NINL: variants seen among roughly 807,000 people sequenced by gnomAD.
The protein encoded by NINL is ninein-like protein.
A neutral mutation model predicts 160.3 loss-of-function variants in NINL; 153 were observed. The ratio of observed to expected loss-of-function variants is 0.95; its 90% CI spans 0.84 to 1.09. NINL has a LOEUF of 1.09. Ranked by LOEUF, NINL falls within the 50% of genes least tolerant of loss-of-function variation. The pLI, the probability that NINL is intolerant of heterozygous loss-of-function variation, is 0.00. For missense variants in NINL, 1,829 were observed against 1,764.0 expected, an observed-to-expected ratio of 1.04 and a Z score of -0.66; for synonymous variants, 800 against 734.8, an observed-to-expected ratio of 1.09 and a Z score of -1.43.
chr20:25,498,595 A>AC (rs1343666973), intron 8 of NINL, among the ~76,000 whole-genome samples: 2 of 152,018 alleles, frequency 1.3e-5, no homozygotes, highest in African/African-American at 4.8e-5. Flanking sequence ...GCTAGACAGA[A>AC]CCCCTCTTCC....
At chr20:25,533,989 T>C (rs768225011) in intron 1 of NINL, among the ~76,000 whole-genome samples, 10 of 152,150 alleles carry the variant, frequency 6.6e-5, no homozygotes, top group Non-Finnish European at 1.3e-4. Flanking sequence ...ACATCAAACT[T>C]GAAAACTTGA....
At chr20:25,498,063 G>A (rs937967498) in intron 9 of NINL, 147 bp downstream of exon 9, 15 of 972,878 alleles carry the variant, frequency 1.5e-5, no homozygotes, top group Non-Finnish European at 2.0e-5. Context: ...CAGAGAGCAC[G>A]GGACAGACAG....
intron 1 of NINL, among the ~76,000 whole-genome samples, chr20:25,532,883 A>G (rs899608622): frequency 2.0e-5 from 3 of 152,214 alleles, no homozygotes; most frequent in Non-Finnish European, 4.4e-5. Context: ...GAAGAGGGGC[A>G]AAGCGTCTTT....
In NINL at chr20:25,489,929, C is replaced by A; in HGVS notation, c.1542G>T (p.Ser514=). ...IVEVVEKLSD[S]ERLALKLQKD... ...TCTGCAGCTTCAGGGCCAGCCTCTC[C>A]GAATCCGAAAGCTTTTCCACCACTT... Residue 514 remains serine, a synonymous_variant, in exon 12 of 24, where the codon TCG becomes TCT. Coordinates refer to ENST00000278886, the MANE Select transcript of NINL (RefSeq NM_025176.6). The A allele has an allele frequency of 6.2e-7, 1 of 1,614,160 alleles. No individual in the cohort carries two copies. Among genetic ancestry groups the A allele is most frequent in the Non-Finnish European group, 8.5e-7 (1 of 1,180,032 alleles).
At chr20:25,504,581 G>A (rs924624669) in intron 6 of NINL, among the ~76,000 whole-genome samples, 1 of 152,184 alleles carries the variant, frequency 6.6e-6, no homozygotes, top group South Asian at 2.1e-4. Flanking sequence ...AGTGGAACCC[G>A]GCCACACAGA....
At chr20:25,461,500 T>TCCAGCCATCGCTCACA (rs1482092186) in intron 21 of NINL, 22 bp downstream of exon 21, 2 of 1,452,234 alleles carry the variant, frequency 1.4e-6, no homozygotes, top group Admixed American at 4.4e-5. Context: ...ACCCAGTGCC[T>TCCAGCCATCGCTCACA]CCAGCCATCG....
chr20:25,527,688 A>G (rs993613296), intron 1 of NINL, among the ~76,000 whole-genome samples: 1 of 152,184 alleles, frequency 6.6e-6, no homozygotes, highest in African/African-American at 2.4e-5. Flanking sequence ...AAACCAAGAT[A>G]TGCTATTTGT....
At position 25,498,221 on chromosome 20, in the gene NINL, C is replaced by T. The variant is rs1231998348; in HGVS notation, c.1158G>A (p.Leu386=). 2 of 1,612,688 alleles carry T rather than the reference C, an allele frequency of 1.2e-6. No homozygotes were observed. The highest frequency in any genetic ancestry group is 2.7e-5 in the African/African-American group (2 of 74,912). The change falls in exon 9 of 24, where the codon CTG becomes CTA. Residue 386 remains leucine (L), a synonymous_variant. Transcript: ENST00000278886. ...QAALACYHQE[L]SYQQGQVEQL... ...CTGTGGCCTCTTACTGCTGGTAGCTCAGCTCCTGGTGGTAGCAGGCCAGGG... is the reference window on the plus strand; with the variant it reads ...CTGTGGCCTCTTACTGCTGGTAGCTTAGCTCCTGGTGGTAGCAGGCCAGGG...
rs187164189 is a variant in NINL at position 25,491,193 on chromosome 20, C to A, written c.1485+158G>T. Among the ~76,000 whole-genome samples, 6 of 152,354 alleles carry A rather than the reference C, an allele frequency of 3.9e-5. No individual in the cohort carries two copies. The East Asian group carries it at 9.7e-4, about 25-fold the overall frequency. ...CTTCTGCTCTGCAGCAAGTGGGACA[C>A]CTCCTCACTGCAGCAGGTGCTCCCT... On this transcript the variant is annotated intron_variant, in intron 11 of 23. Transcript: ENST00000278886.
chr20:25,502,593 C>T lies in NINL; in HGVS notation c.861+1359G>A, dbSNP rs528695073. Among the ~76,000 whole-genome samples, 17 of 152,242 alleles carry T rather than the reference C, an allele frequency of 1.1e-4. No homozygotes were observed. In the South Asian group the frequency reaches 3.3e-3, roughly 30 times the overall value. On this transcript the variant is annotated intron_variant, in intron 7 of 23. Coordinates refer to ENST00000278886, the MANE Select transcript of NINL (RefSeq NM_025176.6). ...AAATCTCATATTAAAATGTAATCCC[C>T]GATGTTGGAGGTGGGGCCTGGTGGG...
At position 25,500,941 on chromosome 20, in the gene NINL, G is replaced by C. The variant is rs1455167955; in HGVS notation, c.931C>G (p.Leu311Val). Reference sequence around the variant, plus strand: ...GAACCATCGTCAATGCTGGAGAAGAGGCGCAGGCTGGAGCACAGGGACACG... The same window carrying C: ...GAACCATCGTCAATGCTGGAGAAGACGCGCAGGCTGGAGCACAGGGACACG... ...SLVSLCSSLR[L>V]FSSIDDGSGF... Residue 311 changes from leucine (L) to valine (V), a missense_variant, in exon 8 of 24, where the codon CTC (leucine) becomes GTC (valine). Leu to Val is a conservative substitution (Grantham distance 32). Coordinates refer to ENST00000278886, the MANE Select transcript of NINL (RefSeq NM_025176.6). 2 of 1,614,238 alleles carry C rather than the reference G, an allele frequency of 1.2e-6. No homozygotes were observed. The highest frequency in any genetic ancestry group is 1.1e-5 in the South Asian group (1 of 91,084).
At chr20:25,481,711 G>A (rs924170864) in intron 14 of NINL, 25 of 522,890 alleles carry the variant, frequency 4.8e-5, no homozygotes, top group Non-Finnish European at 2.0e-5. Flanking sequence ...CTGAGATGTG[G>A]GAACAGCCTG....
intron 5 of NINL, among the ~76,000 whole-genome samples, chr20:25,510,229 C>T (rs1435116091): frequency 6.6e-6 from 1 of 152,204 alleles, no homozygotes; most frequent in East Asian, 1.9e-4. Context: ...CAGATAAAAC[C>T]CTGGTGGGTG....
At chr20:25,507,664 C>A (rs1285644984) in intron 5 of NINL, among the ~76,000 whole-genome samples, 1 of 152,142 alleles carries the variant, frequency 6.6e-6, no homozygotes, top group African/African-American at 2.4e-5. Flanking sequence ...TTACTGATAA[C>A]CCTGCTGGTA....
Position 25,502,635 on chromosome 20 carries a change from G to A in NINL, c.861+1317C>T, listed in dbSNP as rs571656984. On this transcript the variant is annotated intron_variant, in intron 7 of 23. Transcript: ENST00000278886. Reference sequence around the variant, plus strand: ...CCTGGTGGGAGGTGACTGGATCTTGGAGGCAGATTTCTCACAAATGGTTTA... The same window carrying A: ...CCTGGTGGGAGGTGACTGGATCTTGAAGGCAGATTTCTCACAAATGGTTTA... Among the ~76,000 whole-genome samples, 21 of 152,260 alleles carry A rather than the reference G, an allele frequency of 1.4e-4. No individual in the cohort carries two copies. The South Asian group carries it at 4.1e-3, about 30-fold the overall frequency.
intron 1 of NINL, among the ~76,000 whole-genome samples, chr20:25,569,911 G>A (rs944630995): frequency 6.6e-6 from 1 of 152,136 alleles, no homozygotes; most frequent in Non-Finnish European, 1.5e-5. Flanking sequence ...GCAGCCGGGC[G>A]TGGTGGCTCA....
At chr20:25,463,463 C>T (rs574791268) in intron 19 of NINL, among the ~76,000 whole-genome samples, 1 of 152,264 alleles carries the variant, frequency 6.6e-6, no homozygotes, top group Admixed American at 6.5e-5. Flanking sequence ...TTCTCAATAG[C>T]ACCTCCCACA....
chr20:25,585,290 C>G (rs2065216872), intron 1 of NINL, among the ~76,000 whole-genome samples, 165 bp downstream of exon 1: 2 of 152,206 alleles, frequency 1.3e-5, no homozygotes, highest in African/African-American at 2.4e-5. Flanking sequence ...GCAGGCACCA[C>G]AGCAGATGCG....
In NINL at chr20:25,476,674, C is replaced by T; in HGVS notation, c.2617G>A (p.Ala873Thr). Residue 873 changes from alanine (A) to threonine (T), a missense_variant, in exon 17 of 24, where the codon GCA becomes ACA. Coordinates refer to ENST00000278886, the MANE Select transcript of NINL (RefSeq NM_025176.6). ...PGDGRESEEA[A>T]GAGPRRRQAQ... is the part of the protein sequence containing the mutation. Reference sequence around the variant, plus strand: ...TGCCTGCGGCGAGGCCCGGCTCCTGCCGCCTCCTCAGACTCTCTGCCATCA... The same window carrying T: ...TGCCTGCGGCGAGGCCCGGCTCCTGTCGCCTCCTCAGACTCTCTGCCATCA... 6.3e-7 allele frequency: 1 copy of T among 1,588,156 alleles called. No individual in the cohort carries two copies. The highest frequency in any genetic ancestry group is 8.5e-7 in the Non-Finnish European group (1 of 1,172,902).
Sources: gnomAD v4.1 joint callset for allele counts (sites outside exome capture counted in the v4.1 genomes callset) on GRCh38, gnomAD v4.1.1 for gene constraint, MANE v1.5 for transcripts, NCBI Gene and HGNC (gene_info 2026-07-23, HGNC 2026-07-21) for gene names.